The following PCDHGB2 variants were observed in gnomAD, a reference collection of about 807,000 sequenced individuals.
The protein encoded by PCDHGB2 is protocadherin gamma subfamily B, 2, also known as protocadherin gamma-B2.
In PCDHGB2, 55 loss-of-function variants were observed where a neutral mutation model predicts 59.3. The ratio of observed to expected loss-of-function variants is 0.93; its 90% CI spans 0.75 to 1.16. PCDHGB2 has a LOEUF of 1.16. PCDHGB2 is among the 50% of genes most tolerant of loss of function. The pLI is 0.00. For synonymous variants in PCDHGB2, 516 were observed against 512.0 expected, an observed-to-expected ratio of 1.01 and a Z score of -0.11; for missense variants, 1,228 against 1,198.5, an observed-to-expected ratio of 1.02 and a Z score of -0.36.
At position 141,393,204 on chromosome 5, in the gene PCDHGB2, C is replaced by G. The variant is rs373432896; in HGVS notation, c.2421+30648C>G. On this transcript the variant is annotated intron_variant, in intron 1 of 3. Transcript: ENST00000522605. ...AATAATTGATATTAACGATAATAAC[C>G]CAAAATTCCAGGTCGAAGATCTAGA... 7 of 1,613,342 alleles carry G rather than the reference C, an allele frequency of 4.3e-6. No homozygotes were observed. In the East Asian group the frequency reaches 1.6e-4, roughly 36 times the overall value.
At chr5:141,500,455 C>T (rs1254764658) in intron 2 of PCDHGB2, among the ~76,000 whole-genome samples, 4 of 151,986 alleles carry the variant, frequency 2.6e-5, no homozygotes, top group Non-Finnish European at 5.9e-5. Context: ...GTGATCCGCC[C>T]GCCTCGGCCT....
intron 1 of PCDHGB2, chr5:141,422,945 C>T (rs13188215): frequency 6.2e-7 from 1 of 1,614,134 alleles, no homozygotes; most frequent in Non-Finnish European, 8.5e-7. Context: ...ACAGACGGCT[C>T]CACTGGCGTG....
intron 1 of PCDHGB2, chr5:141,393,647 A>T: frequency 6.2e-7 from 1 of 1,613,964 alleles, no homozygotes; most frequent in Non-Finnish European, 8.5e-7. Context: ...GAAAAGTGGC[A>T]TACAAATTCC....
intron 1 of PCDHGB2, chr5:141,388,088 C>T (rs774450859): frequency 8.8e-6 from 12 of 1,368,276 alleles, no homozygotes; most frequent in Admixed American, 2.0e-5. Flanking sequence ...AACTGCGCGT[C>T]AGTTCGGAGA....
At chr5:141,392,633 A>T (rs2092567816) in intron 1 of PCDHGB2, 1 of 610,728 alleles carries the variant, frequency 1.6e-6, no homozygotes, top group African/African-American at 1.9e-5. Flanking sequence ...CTCAGATCTC[A>T]CACCTCACGA....
At chr5:141,385,330 C>A (rs1183163204) in intron 1 of PCDHGB2, 1 of 1,583,780 alleles carries the variant, frequency 6.3e-7, no homozygotes, top group East Asian at 2.2e-5. Flanking sequence ...TCAGGTGAGC[C>A]CAGCCCTTCC....
Position 141,360,461 on chromosome 5 carries a change from T to C in PCDHGB2, c.326T>C (p.Val109Ala). Residue 109 changes from valine (V) to alanine (A), a missense_variant, in exon 1 of 4, where the codon GTC becomes GCC. By Grantham distance (64) the Val-to-Ala change is moderately conservative. Coordinates refer to ENST00000522605, the MANE Select transcript of PCDHGB2 (RefSeq NM_018923.3). ...QPLCVLDFDTVAENPLNIFYI... is the reference protein window; with the variant it reads ...QPLCVLDFDTAAENPLNIFYI... ...CTGTGTGTTCTGGATTTCGATACTG[T>C]CGCTGAAAATCCACTAAATATTTTC... The C allele has an allele frequency of 6.2e-7, 1 of 1,613,974 alleles. No homozygotes were observed. Among genetic ancestry groups the C allele is most frequent in the African/African-American group, 1.3e-5 (1 of 75,034 alleles).
chr5:141,490,399 C>T lies in PCDHGB2; in HGVS notation c.2422-4408C>T. The T allele has an allele frequency of 1.2e-6, 2 of 1,614,148 alleles. No homozygotes were observed. Among genetic ancestry groups the T allele is most frequent in the Non-Finnish European group, 1.7e-6 (2 of 1,180,016 alleles). On this transcript the variant is annotated intron_variant, in intron 1 of 3. Transcript: ENST00000522605. This position sits in a 1 kb window ranked among gnomAD's most constrained non-coding sequence, Gnocchi z 5.4. ...CTCAGGTAGAAATGGTGAAGTGAGC[C>T]TTGATATCTCTCCGGACCTGCCATT... is the stretch of plus-strand genomic sequence containing the variant.
chr5:141,431,767 T>C lies in PCDHGB2; in HGVS notation c.2422-63040T>C. The C allele has an allele frequency of 1.2e-6, 2 of 1,614,224 alleles. No homozygotes were observed. Among genetic ancestry groups the C allele is most frequent in the Non-Finnish European group, 1.7e-6 (2 of 1,180,034 alleles). ...CTGCGCGAGCCAAAGTCCTGATCAC[T>C]GTTCTGGACGTGAACGACAATGCCC... On this transcript the variant is annotated intron_variant, in intron 1 of 3. Coordinates refer to ENST00000522605, the MANE Select transcript of PCDHGB2 (RefSeq NM_018923.3). This position sits in a 1 kb window ranked among gnomAD's most constrained non-coding sequence, Gnocchi z 4.8.
intron 1 of PCDHGB2, chr5:141,376,311 T>A: frequency 1.2e-6 from 2 of 1,613,882 alleles, no homozygotes; most frequent in Non-Finnish European, 1.7e-6. Context: ...TTTGTGGGCG[T>A]GGAAGGGGTT....
At chr5:141,410,523 A>G (rs2095403267) in intron 1 of PCDHGB2, 3 of 1,613,800 alleles carry the variant, frequency 1.9e-6, no homozygotes, top group South Asian at 2.2e-5. Flanking sequence ...GTGCCCCTAC[A>G]TTCCAATGAA....
intron 1 of PCDHGB2, chr5:141,370,891 C>A (rs1767286127): frequency 6.2e-7 from 1 of 1,614,028 alleles, no homozygotes; most frequent in Non-Finnish European, 8.5e-7. Context: ...GGTGTCAATT[C>A]GCTGCAGCAG....
At chr5:141,441,763 G>A in intron 1 of PCDHGB2, 1 of 384,020 alleles carries the variant, frequency 2.6e-6, no homozygotes, top group Non-Finnish European at 5.2e-6. Flanking sequence ...GTGAGCCTGC[G>A]CGTGTTGGTG....
At chr5:141,417,302 G>A (rs1267397415) in intron 1 of PCDHGB2, 1 of 152,270 alleles carries the variant, frequency 6.6e-6, no homozygotes, top group Non-Finnish European at 1.5e-5. Context: ...GCCTCTGGAT[G>A]GAGGAATTGG....
At chr5:141,416,497 T>G (rs1426816820) in intron 1 of PCDHGB2, 3 of 152,116 alleles carry the variant, frequency 2.0e-5, no homozygotes, top group Non-Finnish European at 4.4e-5. Context: ...GAGCAAGAGA[T>G]ATATGACAAA....
At chr5:141,410,440 G>C in intron 1 of PCDHGB2, 1 of 1,614,036 alleles carries the variant, frequency 6.2e-7, no homozygotes, top group Non-Finnish European at 8.5e-7. Context: ...ACAGTGAGGG[G>C]ACTTTGCCTT....
In PCDHGB2 at chr5:141,405,262, C is replaced by A. The variant is rs1352663124; in HGVS notation, c.2421+42706C>A. ...ACTCAAGGAAGAGTCACCTGATCTT[C>A]CCCCAGCCCAACTATGCAGACACAC... On this transcript the variant is annotated intron_variant, in intron 1 of 3. Coordinates refer to ENST00000522605, the MANE Select transcript of PCDHGB2 (RefSeq NM_018923.3). The A allele has an allele frequency of 2.5e-6, 4 of 1,614,012 alleles. No individual in the cohort carries two copies. In the African/African-American group the frequency reaches 5.3e-5, roughly 22 times the overall value.
chr5:141,362,281 C>T lies in PCDHGB2; in HGVS notation c.2146C>T (p.Arg716Ter). The T allele has an allele frequency of 2.4e-5, 39 of 1,614,016 alleles. No homozygotes were observed. The highest frequency in any genetic ancestry group is 3.2e-5 in the Non-Finnish European group (38 of 1,179,886). ...GATTCTGGCAATCTCCCTGCGCCTG[C>T]GACTCTCTTCCAGGTCAGATGCTTG... ...AVILAISLRL[R>*]LSSRSDAWDC... The change falls in exon 1 of 4, where the codon CGA (arginine) becomes TGA (stop). Residue 716 changes from arginine to a stop codon, truncating the protein, a stop_gained. Transcript: ENST00000522605. LOFTEE classifies it high-confidence loss of function.
chr5:141,367,835 C>T (rs1423216035), intron 1 of PCDHGB2: 1 of 151,994 alleles, frequency 6.6e-6, no homozygotes, highest in East Asian at 1.9e-4. Context: ...GAATCAATAC[C>T]TACTGCAATG....
Sources: allele counts gnomAD v4.1 joint callset (sites outside exome capture counted in the v4.1 genomes callset), GRCh38; gene constraint gnomAD v4.1.1; non-coding constraint Gnocchi (gnomAD v3.1); transcripts MANE v1.5; gene names NCBI Gene and HGNC (gene_info 2026-07-23, HGNC 2026-07-21).